The following PTCHD4 variants were observed in gnomAD, a reference collection of about 807,000 sequenced individuals.
PTCHD4 encodes patched domain-containing protein 4.
A neutral mutation model predicts 58.1 loss-of-function variants in PTCHD4; 33 were observed. The observed-to-expected ratio is 0.57, with a 90% CI of 0.43 to 0.76. The LOEUF is 0.76. PTCHD4 is among the 30% of genes least tolerant of loss of function. The pLI, the probability that PTCHD4 is intolerant of heterozygous loss-of-function variation, is 0.00. For synonymous variants in PTCHD4, 478 were observed against 409.6 expected (o/e 1.17, Z -2.02); for missense variants, 1,058 against 1,027.1 (o/e 1.03, Z -0.41).
chr6:47,991,401 T>C (rs1189796144), intron 4 of PTCHD4, among the ~76,000 whole-genome samples: 1 of 152,092 alleles, frequency 6.6e-6, no homozygotes, highest in African/African-American at 2.4e-5. Context: ...CAAAAAGACA[T>C]TCTGAGTAAA....
At chr6:48,033,436 T>G (rs1267731147) in intron 3 of PTCHD4, among the ~76,000 whole-genome samples, 1 of 151,530 alleles carries the variant, frequency 6.6e-6, no homozygotes, top group Non-Finnish European at 1.5e-5. Flanking sequence ...TCCATCCAAG[T>G]TCAGCAACAG....
At chr6:47,926,459 T>C (rs550339776) in intron 4 of PTCHD4, among the ~76,000 whole-genome samples, 35 of 152,280 alleles carry the variant, frequency 2.3e-4, no homozygotes, top group African/African-American at 8.4e-4. Context: ...CTACTCAAAG[T>C]GTGTTCCCTG....
rs1763592242 is a variant in PTCHD4 at position 47,867,300 on chromosome 6, G to C, written c.*11003C>G. ...CCATCATCAGGAGAATCAAACTCATGCTCTAAACTGGCTCTTGCAACCACT... is the reference window on the plus strand; with the variant it reads ...CCATCATCAGGAGAATCAAACTCATCCTCTAAACTGGCTCTTGCAACCACT... On this transcript the variant is annotated 3_prime_UTR_variant, in exon 5 of 5. Coordinates refer to ENST00000339488, the MANE Select transcript of PTCHD4 (RefSeq NM_001384253.1). 6.6e-6 allele frequency among the ~76,000 whole-genome samples: 1 copy of C among 151,710 alleles called. No homozygotes were observed. The highest frequency in any genetic ancestry group is 1.5e-5 in the Non-Finnish European group (1 of 67,822).
At chr6:48,049,637 T>C (rs1466135375) in intron 3 of PTCHD4, among the ~76,000 whole-genome samples, 1 of 151,902 alleles carries the variant, frequency 6.6e-6, no homozygotes, top group Non-Finnish European at 1.5e-5. Flanking sequence ...GGTGATCCAT[T>C]TTTCCTCTAA....
At chr6:47,887,007 C>T (rs921999624) in intron 4 of PTCHD4, among the ~76,000 whole-genome samples, 4 of 152,134 alleles carry the variant, frequency 2.6e-5, no homozygotes, top group Non-Finnish European at 4.4e-5. Flanking sequence ...TCTTCACTGG[C>T]CAGGTTAGGC....
At chr6:47,962,511 A>G (rs1581939884) in intron 4 of PTCHD4, among the ~76,000 whole-genome samples, 1 of 152,096 alleles carries the variant, frequency 6.6e-6, no homozygotes, top group East Asian at 1.9e-4. Flanking sequence ...CAGTGATCCC[A>G]TGCTGCTCTT....
At chr6:47,895,811 A>T (rs2114135596) in intron 4 of PTCHD4, among the ~76,000 whole-genome samples, 1 of 152,118 alleles carries the variant, frequency 6.6e-6, no homozygotes, top group East Asian at 1.9e-4. Flanking sequence ...CCATACTTCG[A>T]ATACTGGAGA....
chr6:48,022,547 A>G (rs1254142399), intron 3 of PTCHD4, among the ~76,000 whole-genome samples: 1 of 152,160 alleles, frequency 6.6e-6, no homozygotes, highest in Non-Finnish European at 1.5e-5. Context: ...CCAAGAAAGT[A>G]AGTATGCTCT....
At chr6:47,986,803 G>C (rs539981343) in intron 4 of PTCHD4, among the ~76,000 whole-genome samples, 1 of 152,248 alleles carries the variant, frequency 6.6e-6, no homozygotes, top group South Asian at 2.1e-4. Flanking sequence ...CATACATCAA[G>C]TTGTAGAATA....
chr6:47,889,489 A>G (rs1189459006), intron 4 of PTCHD4, among the ~76,000 whole-genome samples: 2 of 151,642 alleles, frequency 1.3e-5, no homozygotes, highest in Non-Finnish European at 2.9e-5. Context: ...TCCTTCACCC[A>G]CTTTTTGATG....
chr6:48,085,221 G>C lies in PTCHD4; in HGVS notation c.-969-15295C>G, dbSNP rs962581697. 2.6e-5 allele frequency among the ~76,000 whole-genome samples: 4 copies of C among 152,074 alleles called. No individual in the cohort carries two copies. In the South Asian group the frequency reaches 8.3e-4, roughly 32 times the overall value. Reference sequence around the variant, plus strand: ...TGATGAATAATACATGCATAGCAAGGGGTTTAAATACCTTACATTTTTACA... The same window carrying C: ...TGATGAATAATACATGCATAGCAAGCGGTTTAAATACCTTACATTTTTACA... On this transcript the variant is annotated intron_variant, in intron 1 of 4. Transcript: ENST00000339488.
rs554148509 is a variant in PTCHD4 at position 47,861,544 on chromosome 6, A to C, written c.*16759T>G. Among the ~76,000 whole-genome samples, 6 of 152,080 alleles carry C rather than the reference A, an allele frequency of 3.9e-5. No individual in the cohort carries two copies. In the South Asian group the frequency reaches 1.2e-3, roughly 31 times the overall value. ...GCCTTCCTATCTTACCATTTTGTCC[A>C]AAACACATCTAGTACTCATTGACAT... On this transcript the variant is annotated 3_prime_UTR_variant, in exon 5 of 5. Coordinates refer to ENST00000339488, the MANE Select transcript of PTCHD4 (RefSeq NM_001384253.1).
At chr6:48,075,786 T>C (rs1765054048) in intron 1 of PTCHD4, among the ~76,000 whole-genome samples, 2 of 152,196 alleles carry the variant, frequency 1.3e-5, no homozygotes, top group African/African-American at 2.4e-5. Flanking sequence ...CTAATGGTCA[T>C]TTAATATTTC....
chr6:47,873,588 C>A lies in PTCHD4; in HGVS notation c.*4715G>T, dbSNP rs1327097961. 1.3e-5 allele frequency among the ~76,000 whole-genome samples: 2 copies of A among 151,646 alleles called. No individual in the cohort carries two copies. Among genetic ancestry groups the A allele is most frequent in the African/African-American group, 4.8e-5 (2 of 41,354 alleles). On this transcript the variant is annotated 3_prime_UTR_variant, in exon 5 of 5. Transcript: ENST00000339488. ...GTTGCTTTCACTTATGATTTTGCTG[C>A]TTTCATTTGGGTCAATATCATTGTA...
rs1029993881 is a variant in PTCHD4, at chr6:47,876,484, A to G, written c.*1819T>C. Among the ~76,000 whole-genome samples the G allele has an allele frequency of 1.3e-5, 2 of 151,934 alleles. No homozygotes were observed. Among genetic ancestry groups the G allele is most frequent in the South Asian group, 2.1e-4 (1 of 4,828 alleles). ...ATTCTGGAAAGTTATATGTCTAAGTATACTTGTTTTGTTACTTCATTAGTC... is the reference window on the plus strand; with the variant it reads ...ATTCTGGAAAGTTATATGTCTAAGTGTACTTGTTTTGTTACTTCATTAGTC... On this transcript the variant is annotated 3_prime_UTR_variant, in exon 5 of 5. Coordinates refer to ENST00000339488, the MANE Select transcript of PTCHD4 (RefSeq NM_001384253.1).
chr6:47,959,917 C>G lies in PTCHD4; in HGVS notation c.898+48717G>C, dbSNP rs542430339. ...GTTCTTTAAATAGGAATGAAGAATA[C>G]AAATGTTATAAGCAAAAAAAAACCC... On this transcript the variant is annotated intron_variant, in intron 4 of 4. Transcript: ENST00000339488. 2.7e-5 allele frequency among the ~76,000 whole-genome samples: 4 copies of G among 148,872 alleles called. No individual in the cohort carries two copies. The East Asian group carries it at 7.9e-4, about 29-fold the overall frequency.
chr6:48,089,586 C>T (rs1421467158), intron 1 of PTCHD4, among the ~76,000 whole-genome samples: 1 of 152,104 alleles, frequency 6.6e-6, no homozygotes, highest in Non-Finnish European at 1.5e-5. Flanking sequence ...TAATTTTAAC[C>T]TTTATTGACC....
At chr6:48,053,517 CAA>C (rs3031417) in intron 3 of PTCHD4, among the ~76,000 whole-genome samples, 131,246 of 151,882 alleles carry the variant, frequency 0.86, 56,696 homozygotes, top group Middle Eastern at 0.88. Context: ...TAATAAAAAT[CAA>C]AAGTCTATAG....
In PTCHD4 at chr6:47,871,446, G is replaced by C. The variant is rs1474629422; in HGVS notation, c.*6857C>G. Among the ~76,000 whole-genome samples the C allele has an allele frequency of 6.6e-6, 1 of 151,582 alleles. No individual in the cohort carries two copies. Among genetic ancestry groups the C allele is most frequent in the Non-Finnish European group, 1.5e-5 (1 of 67,704 alleles). On this transcript the variant is annotated 3_prime_UTR_variant, in exon 5 of 5. Coordinates refer to ENST00000339488, the MANE Select transcript of PTCHD4 (RefSeq NM_001384253.1). ...ATTTGTGCATCTTACTGGGTAGACTGCTGCCTCTAATCAAAGTCAGATTAC... is the reference window on the plus strand; with the variant it reads ...ATTTGTGCATCTTACTGGGTAGACTCCTGCCTCTAATCAAAGTCAGATTAC...
Sources: allele counts gnomAD v4.1 joint callset (sites outside exome capture counted in the v4.1 genomes callset), GRCh38; gene constraint gnomAD v4.1.1; transcripts MANE v1.5; gene names NCBI Gene and HGNC (gene_info 2026-07-23, HGNC 2026-07-21).